Variants in SDK1 observed in about 807,000 individuals in gnomAD.
SDK1 encodes the protein protein sidekick-1.
A neutral mutation model predicts 245.5 loss-of-function variants in SDK1; 157 were observed. The ratio of observed to expected loss-of-function variants is 0.64; its 90% CI spans 0.56 to 0.73. SDK1 has a LOEUF of 0.73. Among genes scored for constraint, SDK1 ranks in the 30% least tolerant of loss-of-function variants. The pLI, the probability that SDK1 is intolerant of heterozygous loss-of-function variation, is 0.00. For missense variants in SDK1, 3,583 were observed against 3,002.3 expected, an observed-to-expected ratio of 1.19 and a Z score of -4.52; for synonymous variants, 1,647 against 1,278.5, an observed-to-expected ratio of 1.29 and a Z score of -6.15.
At chr7:3,447,439 T>A (rs1440869400) in intron 1 of SDK1, among the ~76,000 whole-genome samples, 1 of 152,038 alleles carries the variant, frequency 6.6e-6, no homozygotes. Flanking sequence ...CACTTACTCT[T>A]CACATGTGTT....
At chr7:3,987,067 T>A (rs1206784744) in intron 13 of SDK1, 119 bp from the exon 14 acceptor site, 2 of 969,538 alleles carry the variant, frequency 2.1e-6, no homozygotes, top group African/African-American at 3.3e-5. Context: ...TTGGGCATAT[T>A]TTATGTTATT....
chr7:3,716,052 C>T (rs948879233), intron 4 of SDK1, among the ~76,000 whole-genome samples: 17 of 148,930 alleles, frequency 1.1e-4, no homozygotes, highest in East Asian at 2.0e-4. Context: ...AAAGATAGAT[C>T]GGTGAATATG....
intron 4 of SDK1, among the ~76,000 whole-genome samples, chr7:3,772,829 A>G (rs1006452689): frequency 1.3e-5 from 2 of 152,000 alleles, no homozygotes; most frequent in South Asian, 2.1e-4. Flanking sequence ...CTGAAGTCCC[A>G]TTTTCCTAGC....
chr7:3,565,644 C>T (rs1288900084), intron 1 of SDK1, among the ~76,000 whole-genome samples: 1 of 152,168 alleles, frequency 6.6e-6, no homozygotes, highest in Non-Finnish European at 1.5e-5. Context: ...CCCTCAGATA[C>T]CACAATTCAC....
Position 4,114,116 on chromosome 7 carries a change from C to T in SDK1, c.3665C>T (p.Ser1222Phe), listed in dbSNP as rs1299481033. The T allele has an allele frequency of 1.2e-6, 2 of 1,614,228 alleles. No homozygotes were observed. Among genetic ancestry groups the T allele is most frequent in the East Asian group, 2.2e-5 (1 of 44,888 alleles). Residue 1222 changes from serine (S) to phenylalanine (F), a missense_variant, in exon 25 of 45, where the codon TCC (serine) becomes TTC (phenylalanine). Ser to Phe is a radical substitution (Grantham distance 155). Coordinates refer to ENST00000404826, the MANE Select transcript of SDK1 (RefSeq NM_152744.4). ...AAGTACTGGCGCTCAGACCTCCAGT[C>T]CTCAGCAGTGGCCCAAGTCGTCAGT... ...RIKYWRSDLQSSAVAQVVSDR... is the reference protein window; with the variant it reads ...RIKYWRSDLQFSAVAQVVSDR...
In SDK1 at chr7:3,573,544, G is replaced by A. The variant is rs962438133; in HGVS notation, c.299-45536G>A. Among the ~76,000 whole-genome samples, 7 of 151,994 alleles carry A rather than the reference G, an allele frequency of 4.6e-5. No individual in the cohort carries two copies. The East Asian group carries it at 5.8e-4, about 13-fold the overall frequency. ...ACAACAGCCTCCACGTGTGCACCTCGGGAAGAAGTGAGTCACAGTCTTCTC... is the reference window on the plus strand; with the variant it reads ...ACAACAGCCTCCACGTGTGCACCTCAGGAAGAAGTGAGTCACAGTCTTCTC... On this transcript the variant is annotated intron_variant, in intron 1 of 44. Coordinates refer to ENST00000404826, the MANE Select transcript of SDK1 (RefSeq NM_152744.4).
intron 22 of SDK1, among the ~76,000 whole-genome samples, chr7:4,082,778 A>T (rs1033544443): frequency 2.0e-5 from 3 of 151,936 alleles, no homozygotes; most frequent in African/African-American, 7.3e-5. Flanking sequence ...GTGCCACCAC[A>T]CCAGCTAACT....
chr7:3,724,226 A>G (rs747601260), intron 4 of SDK1, among the ~76,000 whole-genome samples: 9 of 151,908 alleles, frequency 5.9e-5, no homozygotes, highest in Non-Finnish European at 1.2e-4. Flanking sequence ...TGGCCTCCCA[A>G]ATTGCTGGGA....
At chr7:3,355,468 AG>A (rs1454275313) in intron 1 of SDK1, among the ~76,000 whole-genome samples, 1 of 152,156 alleles carries the variant, frequency 6.6e-6, no homozygotes, top group Non-Finnish European at 1.5e-5. Flanking sequence ...TACAGGCCTG[AG>A]CCACTGGGCC....
At chr7:3,567,514 A>G (rs753467390) in intron 1 of SDK1, among the ~76,000 whole-genome samples, 3 of 152,222 alleles carry the variant, frequency 2.0e-5, no homozygotes, top group Non-Finnish European at 4.4e-5. Context: ...TCCTGGTGCT[A>G]GAAAACTACC....
chr7:3,751,733 G>A (rs1390659157), intron 4 of SDK1, among the ~76,000 whole-genome samples: 1 of 152,194 alleles, frequency 6.6e-6, no homozygotes, highest in Non-Finnish European at 1.5e-5. Context: ...TTCCAGTCAA[G>A]GAGGCTTCCA....
intron 5 of SDK1, among the ~76,000 whole-genome samples, chr7:3,904,999 A>AG (rs1781915587): frequency 7.5e-6 from 1 of 134,226 alleles, no homozygotes; most frequent in African/African-American, 3.5e-5. Flanking sequence ...TCTCAAAAAA[A>AG]AAAAAAAAAA....
intron 1 of SDK1, among the ~76,000 whole-genome samples, chr7:3,470,736 A>C (rs1004259010): frequency 6.6e-6 from 1 of 152,178 alleles, no homozygotes; most frequent in African/African-American, 2.4e-5. Context: ...CAGTTTTCCA[A>C]ATTCCTTTTC....
intron 1 of SDK1, among the ~76,000 whole-genome samples, chr7:3,302,985 A>G (rs936603003): frequency 5.3e-5 from 8 of 152,240 alleles, no homozygotes; most frequent in Non-Finnish European, 8.8e-5. Context: ...GCTCAAAACT[A>G]TCATCCAATA....
chr7:4,194,782 G>A (rs1783484394), intron 35 of SDK1, among the ~76,000 whole-genome samples: 1 of 152,150 alleles, frequency 6.6e-6, no homozygotes. Context: ...TGAGTCAAAT[G>A]TTAATCTCTT....
chr7:4,147,677 G>A (rs1477692361), intron 29 of SDK1, among the ~76,000 whole-genome samples: 1 of 152,096 alleles, frequency 6.6e-6, no homozygotes, highest in East Asian at 1.9e-4. Flanking sequence ...GACACCCGAG[G>A]TGCTTCTGCA....
At chr7:3,904,157 C>T (rs945731351) in intron 5 of SDK1, among the ~76,000 whole-genome samples, 2 of 152,134 alleles carry the variant, frequency 1.3e-5, no homozygotes, top group African/African-American at 4.8e-5. Flanking sequence ...ACCTTGAAAA[C>T]ATTATGCTGA....
At chr7:3,627,233 C>G (rs1782149857) in intron 2 of SDK1, among the ~76,000 whole-genome samples, 2 of 152,292 alleles carry the variant, frequency 1.3e-5, no homozygotes, top group Middle Eastern at 3.4e-3. Context: ...CCAGCCAACA[C>G]TACCAGGCAT....
chr7:3,469,592 A>G (rs966191362), intron 1 of SDK1, among the ~76,000 whole-genome samples: 1 of 152,166 alleles, frequency 6.6e-6, no homozygotes, highest in Non-Finnish European at 1.5e-5. Context: ...TTGCAAAGAA[A>G]GTTTTTGTGT....
Sources: allele counts gnomAD v4.1 joint callset (sites outside exome capture counted in the v4.1 genomes callset), GRCh38; gene constraint gnomAD v4.1.1; transcripts MANE v1.5; gene names NCBI Gene and HGNC (gene_info 2026-07-23, HGNC 2026-07-21).